The following DCP1A variants were observed in gnomAD, a reference collection of about 807,000 sequenced individuals.
The protein encoded by DCP1A is decapping mRNA 1A.
In DCP1A, 20 loss-of-function variants were observed where a neutral mutation model predicts 58.0. The observed-to-expected ratio is 0.34, with a 90% CI of 0.24 to 0.50. The LOEUF is 0.50. DCP1A is among the 20% of genes least tolerant of loss of function. DCP1A has a pLI of 0.98. For synonymous variants in DCP1A, 285 were observed against 275.1 expected, an observed-to-expected ratio of 1.04 and a Z score of -0.36; for missense variants, 613 against 712.2, an observed-to-expected ratio of 0.86 and a Z score of 1.59.
chr3:53,342,333 T>C, intron 2 of DCP1A, 62 bp from the exon 3 acceptor site: 1 of 1,183,746 alleles, frequency 8.4e-7, no homozygotes, highest in Non-Finnish European at 1.2e-6. Flanking sequence ...AAATGTTATC[T>C]ACTATGTACT....
At chr3:53,304,340 T>C (rs782324641) in intron 5 of DCP1A, 50 bp from the exon 6 acceptor site, 13 of 1,402,438 alleles carry the variant, frequency 9.3e-6, no homozygotes, top group Admixed American at 7.2e-5. Context: ...AAATTTGCTA[T>C]TATTTGGCTC....
intron 3 of DCP1A, among the ~76,000 whole-genome samples, chr3:53,335,091 G>GTT (rs2089087677): frequency 7.2e-6 from 1 of 138,604 alleles, no homozygotes; most frequent in African/African-American, 3.4e-5. Flanking sequence ...GTCTGGGTGT[G>GTT]TGTGTGTGTG....
At chr3:53,296,042 G>A (rs923012393) in intron 6 of DCP1A, among the ~76,000 whole-genome samples, 8 of 152,144 alleles carry the variant, frequency 5.3e-5, no homozygotes, top group South Asian at 4.2e-4. Flanking sequence ...ATAGGCGTGC[G>A]TCACCACATC....
intron 3 of DCP1A, among the ~76,000 whole-genome samples, chr3:53,330,265 G>A (rs1553691128): frequency 1.3e-5 from 2 of 152,078 alleles, no homozygotes; most frequent in Non-Finnish European, 2.9e-5. Flanking sequence ...GGGGTGCAGT[G>A]GCTATAGTGT....
chr3:53,320,909 T>C (rs1374335077), intron 3 of DCP1A, among the ~76,000 whole-genome samples: 2 of 152,228 alleles, frequency 1.3e-5, no homozygotes, highest in Non-Finnish European at 2.9e-5. Flanking sequence ...TCCAAGCTGG[T>C]TGTAATGAGA....
Position 53,290,835 on chromosome 3 carries a change from G to C in DCP1A, c.1405C>G (p.Pro469Ala), listed in dbSNP as rs1476985852. The C allele has an allele frequency of 6.8e-6, 11 of 1,609,550 alleles. No homozygotes were observed. Among genetic ancestry groups the C allele is most frequent in the Non-Finnish European group, 9.3e-6 (11 of 1,178,900 alleles). The change falls in exon 8 of 10, where the codon CCT (proline) becomes GCT (alanine). Residue 469 changes from proline (P) to alanine (A), a missense_variant. Around this residue, in one of 3 missense-constraint regions of DCP1A, gnomAD observed 498 missense variants for 556.7 expected, o/e 0.89. Coordinates refer to ENST00000610213, the MANE Select transcript of DCP1A (RefSeq NM_018403.7). ...ACCTTAGGCTGCACAAATACTTCAG[G>C]ATCCTGGTTCTGCTGCATAGACTGA... ...PLQSMQQNQDPEVFVQPKVLS... is the reference protein window; with the variant it reads ...PLQSMQQNQDAEVFVQPKVLS...
intron 3 of DCP1A, among the ~76,000 whole-genome samples, chr3:53,327,959 C>A (rs1464618199): frequency 6.6e-6 from 1 of 151,148 alleles, no homozygotes; most frequent in Non-Finnish European, 1.5e-5. Context: ...CCCATTTCTA[C>A]TAACAATACA....
chr3:53,288,909 G>A (rs1706749187), intron 8 of DCP1A, among the ~76,000 whole-genome samples: 1 of 152,064 alleles, frequency 6.6e-6, no homozygotes, highest in African/African-American at 2.4e-5. Flanking sequence ...CCCAGACTCA[G>A]GAGGCTAAGG....
chr3:53,323,039 T>C (rs1708015202), intron 3 of DCP1A, among the ~76,000 whole-genome samples: 2 of 152,232 alleles, frequency 1.3e-5, no homozygotes, highest in African/African-American at 4.8e-5. Context: ...TTAGCCAGTA[T>C]GGTCTCGATC....
rs1553684971 is a variant in DCP1A at position 53,285,187 on chromosome 3, A to G, written c.*2393T>C. On this transcript the variant is annotated 3_prime_UTR_variant, in exon 10 of 10. Coordinates refer to ENST00000610213, the MANE Select transcript of DCP1A (RefSeq NM_018403.7). ...GGTCTCCTGGGGTTCTGCGAAATCT[A>G]GCCAGAAGCATCTCCATCTCGGTGT... 1 of 152,100 alleles carries G rather than the reference A, an allele frequency of 6.6e-6. No individual in the cohort carries two copies. Among genetic ancestry groups the G allele is most frequent in the African/African-American group, 2.4e-5 (1 of 41,398 alleles). The allele number at this position is 152,100 out of a possible 1,614,324, so 9.4% of individuals were successfully genotyped here. A position where few individuals can be genotyped will look rare whatever the true frequency, so the allele number is the denominator to read the frequency against.
intron 3 of DCP1A, chr3:53,329,557 G>C (rs1322640765): frequency 2.6e-6 from 1 of 389,850 alleles, no homozygotes; most frequent in East Asian, 3.7e-5. Context: ...TAGACTAGTA[G>C]ATATATGACA....
In DCP1A at chr3:53,321,529, G is replaced by A. The variant is rs183977293; in HGVS notation, c.305-2056C>T. On this transcript the variant is annotated intron_variant, in intron 3 of 9. Coordinates refer to ENST00000610213, the MANE Select transcript of DCP1A (RefSeq NM_018403.7). ...GAGGTCAGGAGTTTGAGACCAGCCTGGCCAACATGGTGAAACCCCGTCTCT... is the reference window on the plus strand; with the variant it reads ...GAGGTCAGGAGTTTGAGACCAGCCTAGCCAACATGGTGAAACCCCGTCTCT... Among the ~76,000 whole-genome samples the A allele has an allele frequency of 2.1e-3, 316 of 152,292 alleles. 2 individuals carry two copies. Among genetic ancestry groups the A allele is most frequent in the African/African-American group, 7.4e-3 (306 of 41,558 alleles).
intron 8 of DCP1A, 98 bp downstream of exon 8, chr3:53,290,693 G>A (rs781799214): frequency 2.3e-4 from 228 of 997,370 alleles, no homozygotes; most frequent in Non-Finnish European, 2.9e-4. Context: ...GCCAGTTACA[G>A]ACCAAATTCC....
At chr3:53,310,476 T>C (rs899445856) in intron 5 of DCP1A, among the ~76,000 whole-genome samples, 1 of 152,244 alleles carries the variant, frequency 6.6e-6, no homozygotes, top group Admixed American at 6.5e-5. Flanking sequence ...GTGTGGTACC[T>C]TGATACAGTT....
chr3:53,289,120 C>G (rs1419936180), intron 8 of DCP1A, among the ~76,000 whole-genome samples: 4 of 151,294 alleles, frequency 2.6e-5, no homozygotes, highest in Non-Finnish European at 5.9e-5. Context: ...AAGCAATCCT[C>G]CCCCCATTTT....
chr3:53,298,711 G>T (rs192161400), intron 6 of DCP1A, among the ~76,000 whole-genome samples: 1 of 152,126 alleles, frequency 6.6e-6, no homozygotes, highest in Admixed American at 6.5e-5. Context: ...ACTTACCTCC[G>T]GAAAACAGGT....
intron 3 of DCP1A, chr3:53,329,411 G>GA: frequency 2.5e-6 from 1 of 398,574 alleles, no homozygotes; most frequent in Non-Finnish European, 4.4e-6. Context: ...AAGTGAAGCA[G>GA]AAACGAAGGG....
chr3:53,306,015 G>A lies in DCP1A; in HGVS notation c.511-1725C>T, dbSNP rs555903858. 1.4e-4 allele frequency among the ~76,000 whole-genome samples: 21 copies of A among 152,202 alleles called. 1 individual carries two copies. The South Asian group carries it at 1.5e-3, about 11-fold the overall frequency. ...GATGAACATCATCCATGCCAAAACC[G>A]ACACCAAAAACAGTTCAGAAAATGC... is the stretch of plus-strand genomic sequence containing the variant. On this transcript the variant is annotated intron_variant, in intron 5 of 9. Transcript: ENST00000610213.
intron 5 of DCP1A, 92 bp from the exon 6 acceptor site, chr3:53,304,382 T>C (rs1246349444): frequency 1.2e-6 from 1 of 863,326 alleles, no homozygotes. Context: ...TCAAAAATGT[T>C]ATTTTTTAAA....
Sources: gnomAD v4.1 joint callset for allele counts (sites outside exome capture counted in the v4.1 genomes callset) on GRCh38, gnomAD v4.1.1 for gene constraint, gnomAD v4.1.1 regional missense constraint, MANE v1.5 for transcripts, NCBI Gene and HGNC (gene_info 2026-07-23, HGNC 2026-07-21) for gene names.